RPS11: variants seen among roughly 807,000 people sequenced by gnomAD.
RPS11 encodes the protein ribosomal protein S11, also known as small ribosomal subunit protein uS17.
For missense variants in RPS11, 127 were observed against 211.4 expected (o/e 0.60, Z 2.48); for synonymous variants, 107 against 78.0 (o/e 1.37, Z -1.96).
chr19:49,496,568 A>G lies in RPS11; in HGVS notation c.15+97A>G, dbSNP rs2079907356. ...AGCCCGGCGGCCAAGTTCGGGGGTTAATTCCGGGCGTCCGTGATTATTTTC... is the reference window on the plus strand; with the variant it reads ...AGCCCGGCGGCCAAGTTCGGGGGTTGATTCCGGGCGTCCGTGATTATTTTC... On this transcript the variant is annotated intron_variant, in intron 1 of 4. Transcript: ENST00000270625. 3 of 1,285,136 alleles carry G rather than the reference A, an allele frequency of 2.3e-6. No homozygotes were observed. In the Admixed American group the frequency reaches 6.9e-5, roughly 29 times the overall value. The allele number at this position is 1,285,136 out of a possible 1,614,324, so 79.6% of individuals were successfully genotyped here. A position where few individuals can be genotyped will look rare whatever the true frequency, so the allele number is the denominator to read the frequency against.
chr19:49,499,680 C>G lies in RPS11; in HGVS notation c.*45C>G, dbSNP rs923568117. ...CCCCACAATGAAATAAAGTTATTTT[C>G]TCATTCCCAGGCCAGACTTGGGATC... is the stretch of plus-strand genomic sequence containing the variant. On this transcript the variant is annotated 3_prime_UTR_variant, in exon 5 of 5. Coordinates refer to ENST00000270625, the MANE Select transcript of RPS11 (RefSeq NM_001015.5). 2 of 1,595,246 alleles carry G rather than the reference C, an allele frequency of 1.3e-6. No individual in the cohort carries two copies. The highest frequency in any genetic ancestry group is 1.7e-6 in the Non-Finnish European group (2 of 1,167,366).
At chr19:49,498,967 G>A (rs536930265) in intron 4 of RPS11, among the ~76,000 whole-genome samples, 23 of 152,196 alleles carry the variant, frequency 1.5e-4, no homozygotes, top group Non-Finnish European at 2.9e-4. Context: ...TTGGGGTTCA[G>A]TGGTGAGCCA....
At chr19:49,497,093 G>A in intron 1 of RPS11, 101 bp from the exon 2 acceptor site, 2 of 1,414,796 alleles carry the variant, frequency 1.4e-6, no homozygotes, top group Non-Finnish European at 1.9e-6. Flanking sequence ...GCAAGTAAAT[G>A]TAGAGCATGG....
rs2122637403 is a variant in RPS11 at position 49,497,211 on chromosome 19, A to G, written c.33A>G (p.Gln11=). 6.2e-7 allele frequency: 1 copy of G among 1,613,996 alleles called. No individual in the cohort carries two copies. Among genetic ancestry groups the G allele is most frequent in the Non-Finnish European group, 8.5e-7 (1 of 1,180,024 alleles). ...ATCTGTAGACTGAGCGTGCCTACCA[A>G]AAGCAGCCGACCATCTTTCAAAACA... The part of the protein sequence containing the change: MADIQTERAY[Q]KQPTIFQNKK... The change falls in exon 2 of 5, where the codon CAA becomes CAG. Residue 11 remains glutamine, a synonymous_variant. Transcript: ENST00000270625.
Position 49,497,162 on chromosome 19 carries a change from C to G in RPS11, c.16-32C>G, listed in dbSNP as rs554173242. The G allele has an allele frequency of 5.7e-5, 91 of 1,609,500 alleles. 1 individual carries two copies. In the Admixed American group the frequency reaches 1.5e-3, roughly 27 times the overall value. On this transcript the variant is annotated intron_variant, in intron 1 of 4. Transcript: ENST00000270625. ...GGTTGGCTGCCGGCTTCAAACTTAG[C>G]AGCTCATCAGTTTTCTCCTCATAAT... is the stretch of plus-strand genomic sequence containing the variant.
At chr19:49,499,414 G>A (rs758913002) in intron 4 of RPS11, 98 bp from the exon 5 acceptor site, 172 of 1,370,796 alleles carry the variant, frequency 1.3e-4, no homozygotes, top group Non-Finnish European at 1.6e-4. Context: ...TGGTGGAGCC[G>A]AAGCAGAGAG....
rs2122641454 is a variant in RPS11, at chr19:49,499,545, C to T, written c.387C>T (p.Gly129=). ...DVQIGDIVTV[G]ECRPLSKTVR... ...AGATCGGTGACATCGTCACAGTGGG[C>T]GAGTGCCGGCCTCTGAGCAAGACAG... Residue 129 remains glycine, a synonymous_variant, in exon 5 of 5, where the codon GGC becomes GGT. Transcript: ENST00000270625. The T allele has an allele frequency of 2.5e-6, 4 of 1,613,750 alleles. No homozygotes were observed. Among genetic ancestry groups the T allele is most frequent in the Non-Finnish European group, 3.4e-6 (4 of 1,179,756 alleles).
chr19:49,497,898 G>T lies in RPS11; in HGVS notation c.224-19G>T. ...CTCTTTCCCATGGGACCTGACCTAT[G>T]ATCGGCCCCCGCTCCTAGGCGTGGT... On this transcript the variant is annotated intron_variant, in intron 3 of 4. Coordinates refer to ENST00000270625, the MANE Select transcript of RPS11 (RefSeq NM_001015.5). The T allele has an allele frequency of 6.2e-7, 1 of 1,614,014 alleles. No individual in the cohort carries two copies. The highest frequency in any genetic ancestry group is 1.1e-5 in the South Asian group (1 of 91,048).
chr19:49,498,088 T>G (rs759422345), intron 4 of RPS11, 42 bp downstream of exon 4: 25 of 1,609,662 alleles, frequency 1.6e-5, no homozygotes, highest in Non-Finnish European at 1.7e-5. Flanking sequence ...CCACGCTCTC[T>G]CAGCCTTCAG....
At position 49,499,534 on chromosome 19, in the gene RPS11, G is replaced by A. The variant is rs752179469; in HGVS notation, c.376G>A (p.Val126Ile). ...CFRDVQIGDIVTVGECRPLSK... is the reference protein window; with the variant it reads ...CFRDVQIGDIITVGECRPLSK... Reference sequence around the variant, plus strand: ...CAGGGACGTCCAGATCGGTGACATCGTCACAGTGGGCGAGTGCCGGCCTCT... The same window carrying A: ...CAGGGACGTCCAGATCGGTGACATCATCACAGTGGGCGAGTGCCGGCCTCT... The change falls in exon 5 of 5, where the codon GTC becomes ATC. Residue 126 changes from valine to isoleucine, a missense_variant. Transcript: ENST00000270625. 6.8e-6 allele frequency: 11 copies of A among 1,613,604 alleles called. No homozygotes were observed. The highest frequency in any genetic ancestry group is 2.2e-5 in the South Asian group (2 of 91,072).
intron 1 of RPS11, among the ~76,000 whole-genome samples, chr19:49,496,801 C>T (rs1286951272): frequency 1.3e-5 from 2 of 151,950 alleles, no homozygotes; most frequent in Admixed American, 6.6e-5. Context: ...AGGGAGCCTG[C>T]CGTCTGGTAT....
At chr19:49,497,148 G>A (rs369178204) in intron 1 of RPS11, 46 bp from the exon 2 acceptor site, 19 of 1,606,854 alleles carry the variant, frequency 1.2e-5, no homozygotes, top group Non-Finnish European at 1.6e-5. Context: ...GTTGGCTGCC[G>A]GCTTCAAACT....
chr19:49,498,983 A>C (rs1410313094), intron 4 of RPS11, among the ~76,000 whole-genome samples: 5 of 152,178 alleles, frequency 3.3e-5, no homozygotes, highest in Non-Finnish European at 7.3e-5. Flanking sequence ...AGCCAGGAAC[A>C]AAGTCCTGCT....
chr19:49,496,704 C>T (rs1179063740), intron 1 of RPS11, among the ~76,000 whole-genome samples: 1 of 152,150 alleles, frequency 6.6e-6, no homozygotes, highest in Admixed American at 6.6e-5. Flanking sequence ...GACTTACCTT[C>T]TTAAAAACCA....
At chr19:49,497,816 T>C in intron 3 of RPS11, 101 bp from the exon 4 acceptor site, 4 of 1,536,696 alleles carry the variant, frequency 2.6e-6, no homozygotes, top group Non-Finnish European at 3.6e-6. Context: ...ATGGGGCTTT[T>C]TGGGATCCCT....
At position 49,498,041 on chromosome 19, in the gene RPS11, C is replaced by T. The variant is rs1405520922; in HGVS notation, c.348C>T (p.Cys116=). ...ACATGTCTGTACACCTGTCCCCCTG[C>T]TTCAGGTGAGCGCAGTGGCCCATCA... ...HKNMSVHLSP[C]FRDVQIGDIV... is the part of the protein sequence containing the mutation. Residue 116 remains cysteine, a synonymous_variant, in exon 4 of 5, where the codon TGC becomes TGT. Transcript: ENST00000270625. 2 of 1,612,318 alleles carry T rather than the reference C, an allele frequency of 1.2e-6. No homozygotes were observed. The highest frequency in any genetic ancestry group is 2.7e-5 in the African/African-American group (2 of 74,870).
At position 49,497,517 on chromosome 19, in the gene RPS11, C is replaced by T. The variant is rs375522556; in HGVS notation, c.148-3C>T. 107 of 1,613,402 alleles carry T rather than the reference C, an allele frequency of 6.6e-5. No individual in the cohort carries two copies. In the African/African-American group the frequency reaches 1.3e-3, roughly 19 times the overall value. ...CACTCCTTTATCTTTCCTATCCTTT[C>T]AGGCTATTGAGGGCACCTACATTGA... On this transcript the variant is annotated splice_polypyrimidine_tract_variant and splice_region_variant and intron_variant, in intron 2 of 4. Transcript: ENST00000270625.
intron 2 of RPS11, 79 bp from the exon 3 acceptor site, chr19:49,497,441 T>C: frequency 6.3e-7 from 1 of 1,592,798 alleles, no homozygotes; most frequent in East Asian, 2.2e-5. Context: ...TTGTAGTTGC[T>C]TCCCTGAGGC....
chr19:49,498,092 C>T (rs771750238), intron 4 of RPS11, 46 bp downstream of exon 4: 5 of 1,608,332 alleles, frequency 3.1e-6, no homozygotes, highest in African/African-American at 2.7e-5. Context: ...GCTCTCTCAG[C>T]CTTCAGATTC....
Sources: gnomAD v4.1 joint callset for allele counts (sites outside exome capture counted in the v4.1 genomes callset) on GRCh38, gnomAD v4.1.1 for gene constraint, MANE v1.5 for transcripts, NCBI Gene and HGNC (gene_info 2026-07-23, HGNC 2026-07-21) for gene names.